NXPE2: variants seen among roughly 807,000 people sequenced by gnomAD.
NXPE2 encodes the protein NXPE family member 2.
NXPE2 carries 34 observed loss-of-function variants against 34.4 expected under a neutral mutation model. The ratio of observed to expected loss-of-function variants is 0.99; its 90% CI spans 0.75 to 1.31. The LOEUF is 1.31. Among genes scored for constraint, NXPE2 ranks in the 40% most tolerant of loss-of-function variants. The probability of loss-of-function intolerance (pLI) is 0.00; values close to 1 mark genes in which losing one functional copy is unlikely to be tolerated. For missense variants in NXPE2, 649 were observed against 672.5 expected, an observed-to-expected ratio of 0.97 and a Z score of 0.39; for synonymous variants, 235 against 231.3, an observed-to-expected ratio of 1.02 and a Z score of -0.15.
At chr11:114,763,878 T>C in the NXPE2 span, among the ~76,000 whole-genome samples, 1 of 152,324 alleles carries the variant, frequency 6.6e-6, no homozygotes, top group African/African-American at 2.4e-5. Flanking sequence ...ACTTTTTACA[T>C]TGCCAAATCA....
the NXPE2 span, among the ~76,000 whole-genome samples, chr11:114,797,901 AG>A: frequency 6.6e-6 from 1 of 152,198 alleles, no homozygotes; most frequent in African/African-American, 2.4e-5. Context: ...AGTCACTTAA[AG>A]TAATTGCTTC....
At chr11:114,662,322 C>T in the NXPE2 span, among the ~76,000 whole-genome samples, 1 of 152,130 alleles carries the variant, frequency 6.6e-6, no homozygotes, top group Non-Finnish European at 1.5e-5. Context: ...TCAGCTGATG[C>T]CCACCCACAG....
chr11:114,613,426 A>G, the NXPE2 span, among the ~76,000 whole-genome samples: 2 of 151,604 alleles, frequency 1.3e-5, no homozygotes, highest in African/African-American at 4.8e-5. Context: ...CTGGTGGATA[A>G]TAAGTGTTGC....
chr11:114,685,680 G>A (rs1243132097), intron 2 of NXPE2, among the ~76,000 whole-genome samples: 4 of 152,176 alleles, frequency 2.6e-5, no homozygotes, highest in African/African-American at 9.6e-5. Context: ...ATTAAATAAT[G>A]AGACAACTGG....
the NXPE2 span, among the ~76,000 whole-genome samples, chr11:114,717,966 C>T: frequency 1.3e-5 from 2 of 152,166 alleles, no homozygotes; most frequent in African/African-American, 2.4e-5. Flanking sequence ...GCATGTCTAT[C>T]ACGGGAGAAT....
the NXPE2 span, among the ~76,000 whole-genome samples, chr11:114,579,976 T>C: frequency 6.6e-6 from 1 of 152,224 alleles, no homozygotes; most frequent in Non-Finnish European, 1.5e-5. Context: ...GTATTGTTTT[T>C]TTAAAGGAAG....
the NXPE2 span, among the ~76,000 whole-genome samples, chr11:114,588,989 C>T: frequency 1.7e-3 from 256 of 152,086 alleles, no homozygotes; most frequent in Admixed American, 4.4e-3. Flanking sequence ...CAGGAGGAGA[C>T]CCAGGAAAAA....
At chr11:114,640,082 T>C in the NXPE2 span, among the ~76,000 whole-genome samples, 11 of 117,440 alleles carry the variant, frequency 9.4e-5, no homozygotes, top group Non-Finnish European at 1.3e-4. Flanking sequence ...ATATATAATA[T>C]AATGTAATAT....
chr11:114,754,854 A>G, the NXPE2 span, among the ~76,000 whole-genome samples: 249 of 152,332 alleles, frequency 1.6e-3, 1 homozygote, highest in African/African-American at 5.5e-3. Context: ...AATGGGTCCC[A>G]GGGAATAGCA....
chr11:114,568,331 G>C, the NXPE2 span, among the ~76,000 whole-genome samples: 1 of 152,046 alleles, frequency 6.6e-6, no homozygotes, highest in Non-Finnish European at 1.5e-5. Flanking sequence ...ACCTCAAGTA[G>C]AAAGGGGTAG....
At chr11:114,470,354 T>G in the NXPE2 span, among the ~76,000 whole-genome samples, 1 of 152,210 alleles carries the variant, frequency 6.6e-6, no homozygotes, top group Non-Finnish European at 1.5e-5. Flanking sequence ...CTTGCCAACA[T>G]TTAATATGCT....
the NXPE2 span, among the ~76,000 whole-genome samples, chr11:114,666,995 A>G: frequency 6.6e-6 from 1 of 152,260 alleles, no homozygotes; most frequent in South Asian, 2.1e-4. Context: ...CACAGGTTTG[A>G]ACATTAATCA....
chr11:114,565,201 C>A, the NXPE2 span, among the ~76,000 whole-genome samples: 1 of 152,136 alleles, frequency 6.6e-6, no homozygotes, highest in African/African-American at 2.4e-5. Context: ...TTGTGATATA[C>A]TTCACATGGG....
intron 2 of NXPE2, among the ~76,000 whole-genome samples, chr11:114,683,389 C>T (rs903303113): frequency 1.7e-4 from 25 of 151,360 alleles, no homozygotes; most frequent in South Asian, 2.1e-4. Flanking sequence ...TATTGTCTAT[C>T]CTTACCTAGT....
At chr11:114,625,337 T>G in the NXPE2 span, among the ~76,000 whole-genome samples, 1 of 152,150 alleles carries the variant, frequency 6.6e-6, no homozygotes, top group Non-Finnish European at 1.5e-5. Flanking sequence ...GGGTAACCAC[T>G]GTTACTGGGT....
At chr11:114,771,898 C>T in the NXPE2 span, among the ~76,000 whole-genome samples, 1 of 152,196 alleles carries the variant, frequency 6.6e-6, no homozygotes, top group Non-Finnish European at 1.5e-5. Flanking sequence ...TAAATCCCTC[C>T]AAATTAAAGC....
chr11:114,502,433 A>G, the NXPE2 span, among the ~76,000 whole-genome samples: 1 of 152,058 alleles, frequency 6.6e-6, no homozygotes, highest in Non-Finnish European at 1.5e-5. Context: ...GTCTATCTTC[A>G]GTTTCACTGT....
the NXPE2 span, among the ~76,000 whole-genome samples, chr11:114,627,226 C>A: frequency 2.6e-5 from 4 of 151,912 alleles, no homozygotes; most frequent in African/African-American, 9.7e-5. Context: ...GTCAGATTCA[C>A]CAAAGTTGAA....
rs374485453 is a variant in NXPE2, at chr11:114,698,384, G to A, written c.472G>A (p.Ala158Thr). ...DFLRARMYST[A>T]LMAGASGKVT... is the part of the protein sequence containing the mutation. ...CCTGAGGGCCAGGATGTACTCCACA[G>A]CACTAATGGCAGGTGCTTCAGGAAA... Residue 158 changes from alanine (A) to threonine (T), a missense_variant, in exon 3 of 6, where the codon GCA (alanine) becomes ACA (threonine). Coordinates refer to ENST00000389586, the MANE Select transcript of NXPE2 (RefSeq NM_182495.6). 19 of 1,614,040 alleles carry A rather than the reference G, an allele frequency of 1.2e-5. No homozygotes were observed. The African/African-American group carries it at 2.4e-4, about 20-fold the overall frequency.
Sources: allele counts gnomAD v4.1 joint callset (sites outside exome capture counted in the v4.1 genomes callset), GRCh38; gene constraint gnomAD v4.1.1; transcripts MANE v1.5; gene names NCBI Gene and HGNC (gene_info 2026-07-23, HGNC 2026-07-21).